SCN11A: variants seen among roughly 807,000 people sequenced by gnomAD.
SCN11A encodes the protein sodium channel protein type 11 subunit alpha.
A neutral mutation model predicts 162.2 loss-of-function variants in SCN11A; 122 were observed. The observed-to-expected ratio is 0.75, with a 90% CI of 0.65 to 0.87. The LOEUF (loss-of-function observed/expected upper bound fraction) is 0.87, where lower values mean the gene tolerates loss of function less well. SCN11A is among the 40% of genes least tolerant of loss of function. The pLI, the probability that SCN11A is intolerant of heterozygous loss-of-function variation, is 0.00. For missense variants in SCN11A, 2,015 were observed against 2,181.6 expected (o/e 0.92, Z 1.52); for synonymous variants, 758 against 751.5 (o/e 1.01, Z -0.14).
chr3:39,046,959 G>A (rs1396764870), intron 1 of SCN11A, among the ~76,000 whole-genome samples: 3 of 151,088 alleles, frequency 2.0e-5, no homozygotes, highest in Admixed American at 1.3e-4. Context: ...GGGCTCAAGC[G>A]ATCCACACAC....
chr3:38,889,175 C>T (rs2065452350), intron 19 of SCN11A, among the ~76,000 whole-genome samples: 1 of 152,088 alleles, frequency 6.6e-6, no homozygotes, highest in African/African-American at 2.4e-5. Context: ...CCTGTAATTC[C>T]TGCACTTTGG....
intron 1 of SCN11A, among the ~76,000 whole-genome samples, chr3:39,034,532 C>A (rs756876441): frequency 2.0e-5 from 3 of 152,142 alleles, no homozygotes; most frequent in Non-Finnish European, 4.4e-5. Flanking sequence ...AGTCTTTCCT[C>A]GAAGATCTGG....
intron 22 of SCN11A, among the ~76,000 whole-genome samples, chr3:38,880,341 C>T (rs1196194794): frequency 6.6e-6 from 1 of 152,162 alleles, no homozygotes; most frequent in Non-Finnish European, 1.5e-5. Context: ...CTTCTGTTGT[C>T]ACAATAGTTC....
rs1350332382 is a variant in SCN11A at position 38,846,456 on chromosome 3, T to C, written c.*238A>G. Reference sequence around the variant, plus strand: ...AATTGGTATGTCCTTTTACAGTCCTTCCTGGTGTCTTCTTCCTTATTATAA... The same window carrying C: ...AATTGGTATGTCCTTTTACAGTCCTCCCTGGTGTCTTCTTCCTTATTATAA... On this transcript the variant is annotated 3_prime_UTR_variant, in exon 30 of 30. Coordinates refer to ENST00000302328, the MANE Select transcript of SCN11A (RefSeq NM_001349253.2). 2 of 519,032 alleles carry C rather than the reference T, an allele frequency of 3.9e-6. No homozygotes were observed. Among genetic ancestry groups the C allele is most frequent in the Non-Finnish European group, 6.9e-6 (2 of 290,430 alleles). The allele number at this position is 519,032 out of a possible 1,614,324, so 32.2% of individuals were successfully genotyped here.
chr3:38,870,554 T>C (rs551606083), intron 26 of SCN11A, 137 bp downstream of exon 26: 12 of 661,862 alleles, frequency 1.8e-5, no homozygotes, highest in Admixed American at 1.8e-4. Context: ...TGGTATCTCA[T>C]AGTGTTTTGT....
chr3:39,047,037 CACCCCCATCCCCCCACCCCCA>C (rs2032200381), intron 1 of SCN11A, among the ~76,000 whole-genome samples: 2 of 109,250 alleles, frequency 1.8e-5, no homozygotes, highest in African/African-American at 3.9e-5. Flanking sequence ...CCCCCACCCC[CACCCCCATCCCCCCACCCCCA>C]CCCCCACCCC....
intron 2 of SCN11A, among the ~76,000 whole-genome samples, chr3:38,987,215 C>T (rs534344944): frequency 5.9e-5 from 9 of 151,746 alleles, no homozygotes; most frequent in African/African-American, 1.2e-4. Flanking sequence ...CTCTTTTCAT[C>T]GCTCCTTTCT....
At chr3:38,995,872 G>A (rs989597228) in intron 2 of SCN11A, among the ~76,000 whole-genome samples, 2 of 128,248 alleles carry the variant, frequency 1.6e-5, no homozygotes, top group Admixed American at 1.4e-4. Flanking sequence ...GAAGAACCCT[G>A]ACCAATACAA....
chr3:38,895,315 A>AT (rs1420866512), intron 18 of SCN11A, among the ~76,000 whole-genome samples: 1 of 152,146 alleles, frequency 6.6e-6, no homozygotes, highest in East Asian at 1.9e-4. Context: ...GTGAGCTTTG[A>AT]TTTTTGCTGG....
chr3:38,910,132 A>C lies in SCN11A; in HGVS notation c.1035T>G (p.Phe345Leu). The change falls in exon 12 of 30, where the codon TTT becomes TTG. Residue 345 changes from phenylalanine to leucine, a missense_variant. Transcript: ENST00000302328. ...PDYNYTNFDN[F>L]GWSFLAMFRL... is the part of the protein sequence containing the mutation. ...GGAACATGGCAAGAAAAGACCAGCC[A>C]AAGTTGTCAAAATTCGTATAATTAT... is the stretch of plus-strand genomic sequence containing the variant. The C allele has an allele frequency of 6.2e-7, 1 of 1,613,966 alleles. No individual in the cohort carries two copies. Among genetic ancestry groups the C allele is most frequent in the Non-Finnish European group, 8.5e-7 (1 of 1,179,890 alleles).
intron 2 of SCN11A, among the ~76,000 whole-genome samples, chr3:38,965,555 C>T (rs1309066526): frequency 6.6e-6 from 1 of 152,230 alleles, no homozygotes; most frequent in Non-Finnish European, 1.5e-5. Flanking sequence ...GTTCCAGCCA[C>T]ATCTTGCTCT....
chr3:38,955,127 A>T (rs1268655329), intron 3 of SCN11A, among the ~76,000 whole-genome samples: 1 of 152,222 alleles, frequency 6.6e-6, no homozygotes, highest in Non-Finnish European at 1.5e-5. Context: ...CATCTCTACT[A>T]AAAATGAAAA....
intron 7 of SCN11A, among the ~76,000 whole-genome samples, chr3:38,934,721 C>T (rs1194759435): frequency 2.6e-5 from 4 of 151,844 alleles, no homozygotes; most frequent in Non-Finnish European, 5.9e-5. Context: ...CACCCAGATT[C>T]ATAAAGCAAG....
At chr3:38,996,817 G>A (rs969846880) in intron 2 of SCN11A, among the ~76,000 whole-genome samples, 1 of 152,174 alleles carries the variant, frequency 6.6e-6, no homozygotes, top group Non-Finnish European at 1.5e-5. Context: ...GTGCATGCCT[G>A]TAGTCCTGGC....
intron 2 of SCN11A, among the ~76,000 whole-genome samples, chr3:38,988,102 G>C (rs114229397): frequency 6.6e-6 from 1 of 152,154 alleles, no homozygotes; most frequent in Non-Finnish European, 1.5e-5. Flanking sequence ...GGTGACAACA[G>C]AGCATTAAAG....
chr3:39,024,785 G>A (rs1206264452), intron 2 of SCN11A, among the ~76,000 whole-genome samples: 1 of 150,838 alleles, frequency 6.6e-6, no homozygotes, highest in Non-Finnish European at 1.5e-5. Context: ...AGACAGACAG[G>A]CCTTGCTGGA....
intron 28 of SCN11A, among the ~76,000 whole-genome samples, chr3:38,861,378 A>C (rs2064960990): frequency 6.6e-6 from 1 of 152,128 alleles, no homozygotes; most frequent in South Asian, 2.1e-4. Context: ...CCTTCACAGG[A>C]CTAGAAAAAA....
chr3:39,025,726 C>G (rs1227271970), intron 2 of SCN11A, among the ~76,000 whole-genome samples: 1 of 152,130 alleles, frequency 6.6e-6, no homozygotes, highest in Non-Finnish European at 1.5e-5. Flanking sequence ...TTTACCACAG[C>G]CTGTTTTATC....
chr3:38,862,236 T>C (rs968368418), intron 28 of SCN11A, among the ~76,000 whole-genome samples: 4 of 152,008 alleles, frequency 2.6e-5, no homozygotes, highest in African/African-American at 9.7e-5. Context: ...ATCAAAAAAA[T>C]AATAGATGTT....
Sources: gnomAD v4.1 joint callset for allele counts (sites outside exome capture counted in the v4.1 genomes callset) on GRCh38, gnomAD v4.1.1 for gene constraint, MANE v1.5 for transcripts, NCBI Gene and HGNC (gene_info 2026-07-23, HGNC 2026-07-21) for gene names.